Variants in KSR2 observed in about 807,000 individuals in gnomAD.
The protein encoded by KSR2 is kinase suppressor of ras 2.
In KSR2, 25 loss-of-function variants were observed where a neutral mutation model predicts 107.8. That is an observed-to-expected ratio of 0.23 (90% CI 0.17 to 0.32). The LOEUF is 0.32. KSR2 is among the 10% of genes least tolerant of loss of function. The probability of loss-of-function intolerance (pLI) is 1.00; values close to 1 mark genes in which losing one functional copy is unlikely to be tolerated. For missense variants in KSR2, 887 were observed against 1,268.9 expected (o/e 0.70, Z 4.57); for synonymous variants, 480 against 507.0 (o/e 0.95, Z 0.71).
At chr12:117,622,764 A>G (rs996193761) in intron 5 of KSR2, among the ~76,000 whole-genome samples, 2 of 152,200 alleles carry the variant, frequency 1.3e-5, no homozygotes, top group Non-Finnish European at 2.9e-5. Flanking sequence ...GAATAAGAAG[A>G]GATAATTTCC....
intron 5 of KSR2, among the ~76,000 whole-genome samples, chr12:117,646,489 A>G (rs1883649503): frequency 6.6e-6 from 1 of 152,208 alleles, no homozygotes; most frequent in Non-Finnish European, 1.5e-5. Flanking sequence ...GCAGCCTCCC[A>G]GAAAGAGCTA....
chr12:117,595,208 G>T (rs566284513), intron 5 of KSR2, among the ~76,000 whole-genome samples: 3 of 152,048 alleles, frequency 2.0e-5, no homozygotes, highest in Non-Finnish European at 4.4e-5. Context: ...CAGTGACAGG[G>T]CCTTTTCACT....
At chr12:117,607,165 G>A (rs1238217604) in intron 5 of KSR2, among the ~76,000 whole-genome samples, 1 of 152,168 alleles carries the variant, frequency 6.6e-6, no homozygotes, top group Non-Finnish European at 1.5e-5. Context: ...CCCTGGGCCT[G>A]GCCCAGGACC....
At chr12:117,936,573 T>G (rs1238332919) in intron 1 of KSR2, among the ~76,000 whole-genome samples, 2 of 150,152 alleles carry the variant, frequency 1.3e-5, no homozygotes, top group Admixed American at 1.3e-4. Context: ...GTAGTAGTAG[T>G]AGAGACAGGG....
At chr12:117,940,636 T>C (rs765559384) in intron 1 of KSR2, among the ~76,000 whole-genome samples, 5 of 152,246 alleles carry the variant, frequency 3.3e-5, no homozygotes, top group Non-Finnish European at 7.3e-5. Flanking sequence ...AATAGTCAAG[T>C]AGTCAAGACT....
chr12:117,967,736 C>G lies in KSR2; in HGVS notation c.180+340G>C, dbSNP rs773927245. On this transcript the variant is annotated intron_variant, in intron 1 of 19. Coordinates refer to ENST00000339824, the MANE Select transcript of KSR2 (RefSeq NM_173598.6). ...CGTGGCATATAAACAAATCCACAAG[C>G]GGAAAAAAGAGAGAACTCCCTCCTC... Among the ~76,000 whole-genome samples the G allele has an allele frequency of 2.8e-4, 43 of 151,768 alleles. 1 individual carries two copies. The highest frequency in any genetic ancestry group is 1.2e-4 in the Non-Finnish European group (8 of 67,984).
intron 3 of KSR2, among the ~76,000 whole-genome samples, chr12:117,775,412 C>T (rs1378584347): frequency 6.6e-6 from 1 of 152,184 alleles, no homozygotes; most frequent in African/African-American, 2.4e-5. Flanking sequence ...TAACATTTAT[C>T]GAGCACTTAC....
chr12:117,597,698 T>C (rs552173594), intron 5 of KSR2, among the ~76,000 whole-genome samples: 2 of 152,370 alleles, frequency 1.3e-5, no homozygotes, highest in East Asian at 3.9e-4. Flanking sequence ...GATTTTATGA[T>C]AATTTGTGGC....
At chr12:117,707,864 G>T (rs995352876) in intron 4 of KSR2, among the ~76,000 whole-genome samples, 1 of 152,164 alleles carries the variant, frequency 6.6e-6, no homozygotes, top group Non-Finnish European at 1.5e-5. Context: ...GCTCTCTAAG[G>T]CTTCCTGGAT....
At chr12:117,528,673 G>A (rs1156725566) in intron 12 of KSR2, among the ~76,000 whole-genome samples, 1 of 152,198 alleles carries the variant, frequency 6.6e-6, no homozygotes, top group Non-Finnish European at 1.5e-5. Flanking sequence ...GAACCTGCAC[G>A]ATGACAGCTG....
chr12:117,594,020 C>G (rs1372695713), intron 5 of KSR2, among the ~76,000 whole-genome samples: 1 of 152,222 alleles, frequency 6.6e-6, no homozygotes, highest in Admixed American at 6.5e-5. Context: ...TCCTCACACA[C>G]TACATCATCA....
intron 5 of KSR2, among the ~76,000 whole-genome samples, chr12:117,590,983 G>A (rs1880279660): frequency 6.6e-6 from 1 of 152,156 alleles, no homozygotes; most frequent in Non-Finnish European, 1.5e-5. Flanking sequence ...TAGTCTCCAA[G>A]CCAAAATACG....
chr12:117,663,712 G>T (rs1447463239), intron 5 of KSR2, among the ~76,000 whole-genome samples: 1 of 152,214 alleles, frequency 6.6e-6, no homozygotes, highest in Non-Finnish European at 1.5e-5. Flanking sequence ...ACTTCTACCA[G>T]CTGGTAATGA....
At chr12:117,548,747 A>G (rs930934314) in intron 9 of KSR2, among the ~76,000 whole-genome samples, 2 of 152,214 alleles carry the variant, frequency 1.3e-5, no homozygotes, top group Admixed American at 6.5e-5. Flanking sequence ...TTGTTAGTTC[A>G]TTTAATCTTG....
intron 1 of KSR2, 45 bp from the exon 2 acceptor site, chr12:117,860,476 T>C (rs1212197928): frequency 1.3e-6 from 2 of 1,552,712 alleles, no homozygotes; most frequent in East Asian, 2.3e-5. Context: ...TCAGAGGCAG[T>C]GACACAAGGA....
chr12:117,795,834 C>T (rs1386278805), intron 3 of KSR2, among the ~76,000 whole-genome samples: 1 of 152,120 alleles, frequency 6.6e-6, no homozygotes, highest in African/African-American at 2.4e-5. Context: ...TGGTCTCAAA[C>T]TCCTGGGCTC....
chr12:117,886,127 A>T (rs10774964), intron 1 of KSR2, among the ~76,000 whole-genome samples: 79,883 of 150,682 alleles, frequency 0.53, 23,793 homozygotes, highest in East Asian at 0.88. Flanking sequence ...ATTCTGCACA[A>T]GTATCTGAAA....
At chr12:117,476,664 C>T in intron 16 of KSR2, 69 bp from the exon 17 acceptor site, 3 of 1,475,422 alleles carry the variant, frequency 2.0e-6, no homozygotes, top group South Asian at 2.7e-5. Flanking sequence ...CTGGCACTGA[C>T]CCTACGTCCC....
At chr12:117,681,106 C>T (rs763910837) in intron 4 of KSR2, among the ~76,000 whole-genome samples, 3 of 152,042 alleles carry the variant, frequency 2.0e-5, no homozygotes, top group Non-Finnish European at 2.9e-5. Context: ...CCTAACTCTA[C>T]AAAAAATACA....
Sources: allele counts gnomAD v4.1 joint callset (sites outside exome capture counted in the v4.1 genomes callset), GRCh38; gene constraint gnomAD v4.1.1; transcripts MANE v1.5; gene names NCBI Gene and HGNC (gene_info 2026-07-23, HGNC 2026-07-21).